The following WDR7 variants were observed in gnomAD, a reference collection of about 807,000 sequenced individuals.
WDR7 encodes WD repeat-containing protein 7.
A neutral mutation model predicts 169.4 loss-of-function variants in WDR7; 46 were observed. That is an observed-to-expected ratio of 0.27 (90% confidence interval 0.21 to 0.35). WDR7 has a LOEUF of 0.35. WDR7 is among the 10% of genes least tolerant of loss of function. The probability of loss-of-function intolerance (pLI) is 1.00; values close to 1 mark genes in which losing one functional copy is unlikely to be tolerated. For missense variants in WDR7, 1,534 were observed against 1,859.3 expected (o/e 0.83, Z 3.22); for synonymous variants, 612 against 666.8 (o/e 0.92, Z 1.27).
intron 25 of WDR7, among the ~76,000 whole-genome samples, chr18:56,943,147 G>T (rs1431014501): frequency 2.0e-5 from 3 of 152,168 alleles, no homozygotes; most frequent in African/African-American, 7.2e-5. Context: ...TAACATATCA[G>T]TAGGAGTTAA....
Position 56,772,651 on chromosome 18 carries a change from ATC to A in WDR7, c.2849-4125_2849-4124del, listed in dbSNP as rs781191544. Reference sequence around the variant, plus strand: ...TATTTCCATAGACATAGAGATATTTATCTCTCTATATAAATGACTATTCGTAT... The same window carrying A: ...TATTTCCATAGACATAGAGATATTTATCTCTATATAAATGACTATTCGTAT... On this transcript the variant is annotated intron_variant, in intron 16 of 27. Coordinates refer to ENST00000254442, the MANE Select transcript of WDR7 (RefSeq NM_015285.3). 2.9e-3 allele frequency among the ~76,000 whole-genome samples: 437 copies of A among 152,148 alleles called. 6 individuals carry two copies. Among genetic ancestry groups the A allele is most frequent in the Non-Finnish European group, 1.9e-3 (128 of 67,990 alleles).
intron 22 of WDR7, among the ~76,000 whole-genome samples, chr18:56,931,378 T>G (rs1040789122): frequency 2.0e-4 from 31 of 152,238 alleles, no homozygotes; most frequent in African/African-American, 7.5e-4. Context: ...GATAACCAAA[T>G]GCAGAATTAG....
At chr18:56,688,897 A>AT in intron 7 of WDR7, among the ~76,000 whole-genome samples, 1 of 152,322 alleles carries the variant, frequency 6.6e-6, no homozygotes, top group East Asian at 1.9e-4. Context: ...AAATGCATAC[A>AT]TAAGAGTAAA....
chr18:56,698,682 G>A (rs1038359531), intron 12 of WDR7, among the ~76,000 whole-genome samples: 1 of 151,952 alleles, frequency 6.6e-6, no homozygotes. Flanking sequence ...AAAATAAAAT[G>A]TAGTGAATAA....
At position 57,027,440 on chromosome 18, in the gene WDR7, C is replaced by G; in HGVS notation, c.*233C>G. Reference sequence around the variant, plus strand: ...TCTGCAGGATGTGGCCATCCTGTCACCAGGTAGTTTTTCCCTGCCAGAGAT... The same window carrying G: ...TCTGCAGGATGTGGCCATCCTGTCAGCAGGTAGTTTTTCCCTGCCAGAGAT... On this transcript the variant is annotated 3_prime_UTR_variant, in exon 28 of 28. Coordinates refer to ENST00000254442, the MANE Select transcript of WDR7 (RefSeq NM_015285.3). 1.8e-6 allele frequency: 1 copy of G among 542,836 alleles called. No homozygotes were observed. 33.6% of individuals were successfully genotyped at this position (542,836 alleles called of 1,614,324 possible). A position where few individuals can be genotyped will look rare whatever the true frequency, so the allele number is the denominator to read the frequency against.
chr18:56,665,488 A>G (rs531775561), intron 1 of WDR7, among the ~76,000 whole-genome samples: 99 of 21,080 alleles, frequency 4.7e-3, no homozygotes, highest in Middle Eastern at 0.14. Context: ...CTTAAAAGGC[A>G]GTCATATTAC....
chr18:56,899,174 T>C (rs1480092609), intron 21 of WDR7, among the ~76,000 whole-genome samples: 4 of 151,994 alleles, frequency 2.6e-5, no homozygotes, highest in Admixed American at 2.6e-4. Context: ...GAAAGTTTGG[T>C]ACAGTTTTAT....
At chr18:56,843,516 A>G (rs1463170237) in intron 20 of WDR7, among the ~76,000 whole-genome samples, 1 of 152,182 alleles carries the variant, frequency 6.6e-6, no homozygotes, top group Non-Finnish European at 1.5e-5. Flanking sequence ...AGGTTTATCC[A>G]TGTTAGAGCT....
At chr18:56,809,440 C>T (rs573470059) in intron 19 of WDR7, among the ~76,000 whole-genome samples, 6 of 152,052 alleles carry the variant, frequency 3.9e-5, no homozygotes, top group African/African-American at 1.2e-4. Flanking sequence ...GTAAGTAAAC[C>T]GTAGCTTGTG....
At chr18:57,026,073 CACATAAT>C (rs1392234092) in intron 27 of WDR7, among the ~76,000 whole-genome samples, 2 of 152,142 alleles carry the variant, frequency 1.3e-5, no homozygotes, top group African/African-American at 4.8e-5. Flanking sequence ...TATAATAGCA[CACATAAT>C]GCTATTGAAG....
At chr18:56,806,051 C>T (rs2044768084) in intron 19 of WDR7, among the ~76,000 whole-genome samples, 1 of 152,052 alleles carries the variant, frequency 6.6e-6, no homozygotes, top group Admixed American at 6.6e-5. Flanking sequence ...CAAATATTTC[C>T]TTCTTGTGAA....
chr18:56,792,779 CACACACACACACAG>C (rs1192721694), intron 19 of WDR7, among the ~76,000 whole-genome samples: 2 of 151,892 alleles, frequency 1.3e-5, no homozygotes, highest in African/African-American at 2.4e-5. Flanking sequence ...CACACACACA[CACACACACACACAG>C]ACACACATGC....
intron 19 of WDR7, among the ~76,000 whole-genome samples, chr18:56,802,488 G>T (rs1307573229): frequency 6.6e-6 from 1 of 150,886 alleles, no homozygotes; most frequent in Non-Finnish European, 1.5e-5. Flanking sequence ...CTCCTGAGTA[G>T]CTGGGACTAC....
chr18:56,764,572 G>C (rs2044032290), intron 16 of WDR7, among the ~76,000 whole-genome samples: 1 of 151,930 alleles, frequency 6.6e-6, no homozygotes, highest in Admixed American at 6.6e-5. Context: ...TACTCCCTCA[G>C]CAATTTTTAA....
chr18:56,781,832 T>C (rs568052033), intron 19 of WDR7, 176 bp downstream of exon 19: 1 of 761,370 alleles, frequency 1.3e-6, no homozygotes, highest in African/African-American at 1.8e-5. Flanking sequence ...GTTTGGAACT[T>C]GCTTTAAAAA....
intron 26 of WDR7, among the ~76,000 whole-genome samples, chr18:57,019,221 C>A (rs1458873709): frequency 6.6e-6 from 1 of 152,114 alleles, no homozygotes; most frequent in East Asian, 1.9e-4. Flanking sequence ...CAACTCTAAG[C>A]AAGCAGGAGT....
intron 3 of WDR7, among the ~76,000 whole-genome samples, chr18:56,681,073 A>T (rs1381914133): frequency 1.3e-5 from 2 of 152,162 alleles, no homozygotes; most frequent in Admixed American, 1.3e-4. Flanking sequence ...GAACCAGGAA[A>T]TGCAGTCTTA....
intron 26 of WDR7, among the ~76,000 whole-genome samples, chr18:56,997,062 T>C (rs2047908560): frequency 6.6e-6 from 1 of 152,202 alleles, no homozygotes; most frequent in Non-Finnish European, 1.5e-5. Flanking sequence ...GTGAAAATTA[T>C]GGAATTTAAA....
intron 12 of WDR7, among the ~76,000 whole-genome samples, chr18:56,711,609 C>T (rs907897793): frequency 3.3e-5 from 5 of 151,826 alleles, no homozygotes; most frequent in Non-Finnish European, 7.4e-5. Flanking sequence ...TTCTTGTTCA[C>T]GTAATTATCC....
Sources: gnomAD v4.1 joint callset for allele counts (sites outside exome capture counted in the v4.1 genomes callset) on GRCh38, gnomAD v4.1.1 for gene constraint, MANE v1.5 for transcripts, NCBI Gene and HGNC (gene_info 2026-07-23, HGNC 2026-07-21) for gene names.